Variants in ERBB4 observed in about 807,000 individuals in gnomAD.
ERBB4 encodes erb-b2 receptor tyrosine kinase 4.
ERBB4 carries 42 observed loss-of-function variants against 158.0 expected under a neutral mutation model. That is an observed-to-expected ratio of 0.27 (90% confidence interval 0.21 to 0.34). ERBB4 has a LOEUF of 0.34. Among genes scored for constraint, ERBB4 ranks in the 10% least tolerant of loss-of-function variants. ERBB4 has a pLI of 1.00. For missense variants in ERBB4, 1,333 were observed against 1,624.1 expected (o/e 0.82, Z 3.08); for synonymous variants, 583 against 558.7 (o/e 1.04, Z -0.61).
chr2:212,309,942 G>A lies in ERBB4; in HGVS notation c.83-185039C>T, dbSNP rs183269137. Reference sequence around the variant, plus strand: ...TACTAAAATTGTATATCAACATGTTGGGCCATGTTTTCAGTGCTGGAGTTC... The same window carrying A: ...TACTAAAATTGTATATCAACATGTTAGGCCATGTTTTCAGTGCTGGAGTTC... On this transcript the variant is annotated intron_variant, in intron 1 of 27. Coordinates refer to ENST00000342788, the MANE Select transcript of ERBB4 (RefSeq NM_005235.3). Among the ~76,000 whole-genome samples, 434 of 150,382 alleles carry A rather than the reference G, an allele frequency of 2.9e-3. 2 individuals carry two copies. Among genetic ancestry groups the A allele is most frequent in the African/African-American group, 9.8e-3 (403 of 41,278 alleles).
intron 1 of ERBB4, among the ~76,000 whole-genome samples, chr2:212,488,366 A>C (rs1258528425): frequency 6.6e-6 from 1 of 151,554 alleles, no homozygotes; most frequent in Non-Finnish European, 1.5e-5. Flanking sequence ...ATATGCTAAA[A>C]ATAACATTGG....
intron 5 of ERBB4, among the ~76,000 whole-genome samples, chr2:211,737,178 G>A (rs1468891325): frequency 1.3e-5 from 2 of 152,126 alleles, no homozygotes; most frequent in African/African-American, 4.8e-5. Context: ...CTCTGTGAAT[G>A]CTTGACATCC....
At chr2:211,643,141 G>A (rs1437481117) in intron 16 of ERBB4, among the ~76,000 whole-genome samples, 3 of 152,018 alleles carry the variant, frequency 2.0e-5, no homozygotes, top group Admixed American at 6.6e-5. Context: ...TTTTTAAAAC[G>A]TTAAGTAACA....
At chr2:212,466,161 G>T (rs1001026178) in intron 1 of ERBB4, among the ~76,000 whole-genome samples, 3 of 152,132 alleles carry the variant, frequency 2.0e-5, no homozygotes, top group African/African-American at 7.2e-5. Context: ...AATTCCAACA[G>T]TAGTGACTTT....
At chr2:211,795,020 A>C (rs2105874165) in intron 3 of ERBB4, among the ~76,000 whole-genome samples, 1 of 151,978 alleles carries the variant, frequency 6.6e-6, no homozygotes, top group South Asian at 2.1e-4. Flanking sequence ...TATATCCACA[A>C]CTGCTACTTA....
At chr2:212,132,675 CT>C (rs1322956238) in intron 1 of ERBB4, among the ~76,000 whole-genome samples, 1 of 152,058 alleles carries the variant, frequency 6.6e-6, no homozygotes, top group Admixed American at 6.6e-5. Flanking sequence ...ACACCACTAG[CT>C]TTTTTGGGTC....
chr2:211,930,062 T>C (rs1426211403), intron 3 of ERBB4, among the ~76,000 whole-genome samples: 1 of 152,180 alleles, frequency 6.6e-6, no homozygotes, highest in African/African-American at 2.4e-5. Context: ...ATTATTACAA[T>C]TATTTTACAG....
chr2:212,377,735 A>G (rs1411681287), intron 1 of ERBB4, among the ~76,000 whole-genome samples: 2 of 151,806 alleles, frequency 1.3e-5, no homozygotes, highest in African/African-American at 4.8e-5. Flanking sequence ...GACTACACTA[A>G]ATTTATAAGA....
At chr2:211,508,846 A>C (rs775427603) in intron 20 of ERBB4, among the ~76,000 whole-genome samples, 14 of 152,126 alleles carry the variant, frequency 9.2e-5, no homozygotes, top group Non-Finnish European at 1.5e-4. Flanking sequence ...AGGAGAATGG[A>C]GTGAACCCAG....
chr2:211,810,860 G>A (rs1471613231), intron 3 of ERBB4, among the ~76,000 whole-genome samples: 2 of 151,588 alleles, frequency 1.3e-5, no homozygotes, highest in African/African-American at 4.8e-5. Flanking sequence ...ATTTTTAGTA[G>A]AGACGGGGTT....
At chr2:211,461,628 G>A (rs1250567810) in intron 20 of ERBB4, among the ~76,000 whole-genome samples, 3 of 152,062 alleles carry the variant, frequency 2.0e-5, no homozygotes, top group African/African-American at 7.2e-5. Context: ...AGGGGAAAGA[G>A]GGGCCACAAG....
At chr2:211,411,751 T>A (rs1423810558) in intron 25 of ERBB4, among the ~76,000 whole-genome samples, 1 of 152,198 alleles carries the variant, frequency 6.6e-6, no homozygotes, top group Non-Finnish European at 1.5e-5. Flanking sequence ...TAGGATTATA[T>A]ATCATTTGAA....
At chr2:212,139,564 TATAAG>T (rs2080379076) in intron 1 of ERBB4, among the ~76,000 whole-genome samples, 1 of 152,004 alleles carries the variant, frequency 6.6e-6, no homozygotes, top group Non-Finnish European at 1.5e-5. Context: ...TTTTTCCTTA[TATAAG>T]ATATGACTAG....
chr2:212,365,128 T>C (rs750628051), intron 1 of ERBB4, among the ~76,000 whole-genome samples: 4 of 151,694 alleles, frequency 2.6e-5, no homozygotes, highest in Non-Finnish European at 5.9e-5. Flanking sequence ...TCATTCACAA[T>C]ACATGACTAA....
chr2:211,906,920 T>C (rs2079408406), intron 3 of ERBB4, among the ~76,000 whole-genome samples: 1 of 151,676 alleles, frequency 6.6e-6, no homozygotes, highest in African/African-American at 2.4e-5. Flanking sequence ...AAGTTTGGCA[T>C]GTCTATGTGC....
chr2:211,468,928 A>AC (rs2064765291), intron 20 of ERBB4, among the ~76,000 whole-genome samples: 1 of 151,596 alleles, frequency 6.6e-6, no homozygotes, highest in South Asian at 2.1e-4. Flanking sequence ...AAAAAAAAAA[A>AC]AAAAACCCTT....
At chr2:212,117,226 T>C (rs2079597405) in intron 2 of ERBB4, among the ~76,000 whole-genome samples, 1 of 152,198 alleles carries the variant, frequency 6.6e-6, no homozygotes, top group South Asian at 2.1e-4. Flanking sequence ...GGTCATCATG[T>C]TAATGCAGTA....
In ERBB4 at chr2:211,382,946, G is replaced by A. The variant is rs1012224079; in HGVS notation, c.*669C>T. Reference sequence around the variant, plus strand: ...ATAGGGGAGCAAATATAAAGGAATCGGTCAGAGCAAAACAAAATGAAAAAA... The same window carrying A: ...ATAGGGGAGCAAATATAAAGGAATCAGTCAGAGCAAAACAAAATGAAAAAA... On this transcript the variant is annotated 3_prime_UTR_variant, in exon 28 of 28. Transcript: ENST00000342788. 16 of 232,062 alleles carry A rather than the reference G, an allele frequency of 6.9e-5. 1 individual carries two copies. Among genetic ancestry groups the A allele is most frequent in the South Asian group, 1.8e-4 (1 of 5,500 alleles). The allele number at this position is 232,062 out of a possible 1,614,324, so 14.4% of individuals were successfully genotyped here. A position where few individuals can be genotyped will look rare whatever the true frequency, so the allele number is the denominator to read the frequency against.
chr2:211,599,848 A>G (rs2068747916), intron 19 of ERBB4, among the ~76,000 whole-genome samples: 1 of 152,202 alleles, frequency 6.6e-6, no homozygotes, highest in Non-Finnish European at 1.5e-5. Flanking sequence ...ATCAAAGAAG[A>G]ATTTCACTTT....
Sources: allele counts gnomAD v4.1 joint callset (sites outside exome capture counted in the v4.1 genomes callset), GRCh38; gene constraint gnomAD v4.1.1; transcripts MANE v1.5; gene names NCBI Gene and HGNC (gene_info 2026-07-23, HGNC 2026-07-21).